The following CFAP54 variants were observed in gnomAD, a reference collection of about 807,000 sequenced individuals.
CFAP54 encodes cilia and flagella associated protein 54, also known as cilia- and flagella-associated protein 54.
CFAP54 carries 290 observed loss-of-function variants against 370.4 expected under a neutral mutation model. The ratio of observed to expected loss-of-function variants is 0.78; its 90% confidence interval spans 0.71 to 0.86. The LOEUF (loss-of-function observed/expected upper bound fraction) is 0.86, where lower values mean the gene tolerates loss of function less well. Ranked by LOEUF, CFAP54 falls within the 40% of genes least tolerant of loss-of-function variation. The pLI, the probability that CFAP54 is intolerant of heterozygous loss-of-function variation, is 0.00. For missense variants in CFAP54, 3,399 were observed against 3,528.7 expected (o/e 0.96, Z 0.93); for synonymous variants, 1,206 against 1,236.5 (o/e 0.98, Z 0.52).
intron 60 of CFAP54, among the ~76,000 whole-genome samples, chr12:96,773,939 T>C (rs1958489747): frequency 6.6e-6 from 1 of 152,230 alleles, no homozygotes; most frequent in African/African-American, 2.4e-5. Flanking sequence ...AAGATCATTC[T>C]AAAAAGGTTA....
intron 51 of CFAP54, 45 bp downstream of exon 51, chr12:96,740,106 G>A: frequency 9.5e-7 from 1 of 1,054,584 alleles, no homozygotes; most frequent in South Asian, 1.4e-5. Context: ...TATCATATAA[G>A]AACTATTGGC....
chr12:96,706,604 A>C (rs1957550089), intron 47 of CFAP54, among the ~76,000 whole-genome samples: 1 of 152,130 alleles, frequency 6.6e-6, no homozygotes, highest in Non-Finnish European at 1.5e-5. Context: ...TCTGAGCAAA[A>C]TGAAGAGCCA....
intron 66 of CFAP54, among the ~76,000 whole-genome samples, chr12:96,835,010 T>A (rs115145185): frequency 0.012 from 1,752 of 152,152 alleles, 34 homozygotes; most frequent in African/African-American, 0.04. Context: ...GGGAAGCTCT[T>A]CTCTGCAGGC....
intron 19 of CFAP54, among the ~76,000 whole-genome samples, chr12:96,575,674 T>C (rs1214604480): frequency 6.6e-6 from 1 of 152,106 alleles, no homozygotes; most frequent in African/African-American, 2.4e-5. Context: ...CACAAAGATT[T>C]GGTCATATAT....
intron 32 of CFAP54, among the ~76,000 whole-genome samples, chr12:96,637,623 A>C (rs1956675692): frequency 6.6e-6 from 1 of 152,240 alleles, no homozygotes; most frequent in African/African-American, 2.4e-5. Context: ...AGTCTCAAGA[A>C]ATTTCAAGTA....
At chr12:96,571,655 A>G (rs1178563831) in intron 19 of CFAP54, among the ~76,000 whole-genome samples, 2 of 152,212 alleles carry the variant, frequency 1.3e-5, no homozygotes, top group Non-Finnish European at 2.9e-5. Context: ...GACAACATTC[A>G]GGTCCATATT....
At chr12:96,502,801 G>A (rs1180726323) in intron 2 of CFAP54, among the ~76,000 whole-genome samples, 1 of 152,176 alleles carries the variant, frequency 6.6e-6, no homozygotes, top group African/African-American at 2.4e-5. Flanking sequence ...AGCCCTGTGG[G>A]TTACAGAAAT....
intron 32 of CFAP54, among the ~76,000 whole-genome samples, chr12:96,635,269 G>A (rs815904): frequency 0.096 from 14,636 of 152,080 alleles, 851 homozygotes; most frequent in South Asian, 0.24. Flanking sequence ...TTAGGAAATT[G>A]TCTTCCATTT....
Position 96,658,096 on chromosome 12 carries a change from C to T in CFAP54, c.5315C>T (p.Thr1772Ile). 6.2e-7 allele frequency: 1 copy of T among 1,610,732 alleles called. No individual in the cohort carries two copies. The highest frequency in any genetic ancestry group is 8.5e-7 in the Non-Finnish European group (1 of 1,178,104). ...TLVSLAIQFN[T>I]VSHERYTEQV... ...GTATCTCTTGCCATTCAGTTCAATA[C>T]AGTTTCACAGTAAGTACTGCTGTAA... The change falls in exon 37 of 68, where the codon ACA becomes ATA. Residue 1772 changes from threonine to isoleucine, a missense_variant. Around this residue, in one of 3 missense-constraint regions of CFAP54, gnomAD observed 2,796 missense variants for 2,869.7 expected, o/e 0.97. Coordinates refer to ENST00000524981, the MANE Select transcript of CFAP54 (RefSeq NM_001306084.2).
At chr12:96,769,861 G>A (rs1286238282) in intron 60 of CFAP54, among the ~76,000 whole-genome samples, 1 of 152,158 alleles carries the variant, frequency 6.6e-6, no homozygotes, top group Non-Finnish European at 1.5e-5. Context: ...AATACAAAAA[G>A]AGATCTATGG....
chr12:96,830,479 T>G (rs1418752461), intron 66 of CFAP54, among the ~76,000 whole-genome samples: 1 of 152,198 alleles, frequency 6.6e-6, no homozygotes, highest in Non-Finnish European at 1.5e-5. Flanking sequence ...GAGCATCTTT[T>G]CATGGGCTTA....
chr12:96,713,159 C>T (rs745853649), intron 48 of CFAP54, among the ~76,000 whole-genome samples: 1 of 152,108 alleles, frequency 6.6e-6, no homozygotes, highest in Non-Finnish European at 1.5e-5. Flanking sequence ...AGTAGAGCTA[C>T]TGTATTATCC....
chr12:96,808,314 C>G (rs780920232), intron 63 of CFAP54, among the ~76,000 whole-genome samples: 14 of 152,276 alleles, frequency 9.2e-5, no homozygotes, highest in African/African-American at 3.1e-4. Context: ...TCCTTCCCCT[C>G]TCTCTAAGTT....
intron 17 of CFAP54, among the ~76,000 whole-genome samples, chr12:96,563,081 T>C (rs1955832625): frequency 6.6e-6 from 1 of 152,188 alleles, no homozygotes; most frequent in Non-Finnish European, 1.5e-5. Context: ...AGTAACTGTA[T>C]TATTTCCTTT....
intron 61 of CFAP54, among the ~76,000 whole-genome samples, chr12:96,785,689 C>T (rs2136694677): frequency 6.6e-6 from 1 of 152,230 alleles, no homozygotes. Context: ...GATCCCTTGC[C>T]CCTCAGCCAG....
chr12:96,696,536 T>A (rs1957441582), intron 45 of CFAP54, among the ~76,000 whole-genome samples: 1 of 151,984 alleles, frequency 6.6e-6, no homozygotes, highest in East Asian at 1.9e-4. Context: ...TGTCCTAGAG[T>A]AGCATAAAAA....
intron 39 of CFAP54, among the ~76,000 whole-genome samples, chr12:96,668,176 G>A (rs1054453353): frequency 6.6e-6 from 1 of 152,084 alleles, no homozygotes; most frequent in Admixed American, 6.6e-5. Flanking sequence ...AAGTTCCAAA[G>A]TTTCCCACAA....
At chr12:96,498,818 A>G (rs1185920228) in intron 1 of CFAP54, among the ~76,000 whole-genome samples, 1 of 152,202 alleles carries the variant, frequency 6.6e-6, no homozygotes, top group African/African-American at 2.4e-5. Context: ...TCTATGAAAG[A>G]TACTGTCAAG....
chr12:96,767,646 T>C (rs907109385), intron 60 of CFAP54, among the ~76,000 whole-genome samples: 6 of 152,188 alleles, frequency 3.9e-5, no homozygotes, highest in Non-Finnish European at 7.3e-5. Flanking sequence ...CACTTCAGTG[T>C]TGGGGTTAGA....
Sources: allele counts gnomAD v4.1 joint callset (sites outside exome capture counted in the v4.1 genomes callset), GRCh38; gene constraint gnomAD v4.1.1; regional missense constraint gnomAD v4.1.1; transcripts MANE v1.5; gene names NCBI Gene and HGNC (gene_info 2026-07-23, HGNC 2026-07-21).